The following PJA2 variants were observed in gnomAD, a reference collection of about 807,000 sequenced individuals.
The protein encoded by PJA2 is E3 ubiquitin-protein ligase Praja-2.
PJA2 carries 25 observed loss-of-function variants against 69.3 expected under a neutral mutation model. The observed-to-expected ratio is 0.36, with a 90% CI of 0.26 to 0.50. The LOEUF (loss-of-function observed/expected upper bound fraction) is 0.50, where lower values mean the gene tolerates loss of function less well. Ranked by LOEUF, PJA2 falls within the 20% of genes least tolerant of loss-of-function variation. The pLI is 0.96. For synonymous variants in PJA2, 308 were observed against 277.8 expected (o/e 1.11, Z -1.08); for missense variants, 809 against 830.2 (o/e 0.97, Z 0.31).
rs756780345 is a variant in PJA2, at chr5:109,337,363, A to G, written c.2002-7T>C. The stretch of plus-strand genomic sequence containing the variant: ...ACACAGGGCATGTTCCCGACTGGAG[A>G]AAAAAAAAATGTTAAGAGCCACCAG... On this transcript the variant is annotated splice_polypyrimidine_tract_variant and splice_region_variant and intron_variant, in intron 9 of 9. Coordinates refer to ENST00000361189, the MANE Select transcript of PJA2 (RefSeq NM_014819.5). 6.1e-6 allele frequency: 9 copies of G among 1,475,216 alleles called. No individual in the cohort carries two copies. The highest frequency in any genetic ancestry group is 2.6e-5 in the South Asian group (2 of 76,960). 91.4% of individuals were successfully genotyped at this position (1,475,216 alleles called of 1,614,324 possible). A position where few individuals can be genotyped will look rare whatever the true frequency, so the allele number is the denominator to read the frequency against.
chr5:109,354,668 C>T (rs1273364957), intron 7 of PJA2, among the ~76,000 whole-genome samples: 1 of 144,158 alleles, frequency 6.9e-6, no homozygotes, highest in Non-Finnish European at 1.5e-5. Flanking sequence ...ATATAATATA[C>T]AATATATTAG....
chr5:109,388,618 T>G (rs1270155325), intron 1 of PJA2, among the ~76,000 whole-genome samples: 1 of 152,154 alleles, frequency 6.6e-6, no homozygotes, highest in East Asian at 1.9e-4. Flanking sequence ...TCTACACCCT[T>G]ATGACTCATC....
intron 1 of PJA2, among the ~76,000 whole-genome samples, chr5:109,387,616 G>A (rs1023146141): frequency 9.2e-5 from 14 of 152,214 alleles, no homozygotes; most frequent in African/African-American, 3.1e-4. Flanking sequence ...ATATATAAAC[G>A]TGTTGCTAAG....
intron 7 of PJA2, among the ~76,000 whole-genome samples, chr5:109,353,864 CTA>C (rs1161845645): frequency 6.8e-5 from 3 of 43,914 alleles, no homozygotes; most frequent in African/African-American, 2.6e-4. Context: ...TCTATGATAT[CTA>C]GAGATATCTA....
chr5:109,339,185 G>A (rs1761997032), intron 9 of PJA2, among the ~76,000 whole-genome samples: 1 of 152,214 alleles, frequency 6.6e-6, no homozygotes, highest in South Asian at 2.1e-4. Flanking sequence ...CAGGTGACTG[G>A]AGGTCCCTCT....
At chr5:109,341,330 A>C (rs1171102686) in intron 9 of PJA2, among the ~76,000 whole-genome samples, 41 of 138,512 alleles carry the variant, frequency 3.0e-4, no homozygotes, top group Admixed American at 2.3e-3. Flanking sequence ...TGCCCGGCCG[A>C]GACCCCGTCT....
intron 7 of PJA2, among the ~76,000 whole-genome samples, chr5:109,351,628 T>C (rs246098): frequency 0.85 from 129,314 of 152,040 alleles, 55,743 homozygotes; most frequent in African/African-American, 0.97. Flanking sequence ...AGGTTAAAGA[T>C]GTTTAAGGTT....
intron 9 of PJA2, among the ~76,000 whole-genome samples, chr5:109,342,430 T>G (rs1442873474): frequency 4.5e-5 from 4 of 89,596 alleles, no homozygotes; most frequent in Admixed American, 1.1e-4. Flanking sequence ...GAGGTGGGGA[T>G]GTCGGCCCCC....
rs369253772 is a variant in PJA2, at chr5:109,379,119, T to C, written c.368A>G (p.His123Arg). The change falls in exon 4 of 10, where the codon CAT becomes CGT. Residue 123 changes from histidine to arginine, a missense_variant. His to Arg is a conservative substitution (Grantham distance 29, BLOSUM62 0). Transcript: ENST00000361189. ...GGTATCCCTGCCTTCCTCACTGTGA[T>C]GTACTGCAACAAAGGATTGACTGCT... ...TESSQSFVAV[H>R]HSEEGRDTLG... The C allele has an allele frequency of 1.2e-6, 2 of 1,614,160 alleles. No individual in the cohort carries two copies. Among genetic ancestry groups the C allele is most frequent in the East Asian group, 2.2e-5 (1 of 44,866 alleles).
Position 109,378,469 on chromosome 5 carries a change from G to T in PJA2, c.1018C>A (p.Gln340Lys). ...ETGFNRHEAK[Q>K]RSVQRWREAL... ...TCTCTCCATCTTTGAACACTTCTTT[G>T]TTTCGCCTCATGCCTATTAAAACCT... Residue 340 changes from glutamine to lysine, a missense_variant, in exon 4 of 10, where the codon CAA becomes AAA. This residue lies in a region of PJA2 where 700 missense variants were observed against 639.5 expected (regional missense o/e 1.09). Coordinates refer to ENST00000361189, the MANE Select transcript of PJA2 (RefSeq NM_014819.5). 6.2e-7 allele frequency: 1 copy of T among 1,614,110 alleles called. No individual in the cohort carries two copies. The highest frequency in any genetic ancestry group is 8.5e-7 in the Non-Finnish European group (1 of 1,180,000).
At chr5:109,402,917 C>CA (rs1747584889) in intron 1 of PJA2, among the ~76,000 whole-genome samples, 1 of 151,958 alleles carries the variant, frequency 6.6e-6, no homozygotes, top group Non-Finnish European at 1.5e-5. Context: ...GTAAGCACCT[C>CA]AGGCAGTGCT....
rs1438019098 is a variant in PJA2 at position 109,378,282 on chromosome 5, G to A, written c.1205C>T (p.Ala402Val). The change falls in exon 4 of 10, where the codon GCA becomes GTA. Residue 402 changes from alanine (A) to valine (V), a missense_variant. Ala to Val is a moderately conservative substitution (Grantham distance 64, BLOSUM62 0). Transcript: ENST00000361189. ...NQMTSESGAT[A>V]GRQEVDNTFW... ...GGTGTTATCCACCTCTTGCCTTCCT[G>A]CTGTGGCTCCACTTTCTGATGTCAT... The A allele has an allele frequency of 9.9e-6, 16 of 1,613,904 alleles. No homozygotes were observed. Among genetic ancestry groups the A allele is most frequent in the Non-Finnish European group, 1.4e-5 (16 of 1,179,878 alleles).
At chr5:109,353,501 T>TTTATA (rs1762316275) in intron 7 of PJA2, among the ~76,000 whole-genome samples, 1 of 94,916 alleles carries the variant, frequency 1.1e-5, no homozygotes, top group East Asian at 2.2e-4. Context: ...ATATCTATAA[T>TTTATA]ATCTATAGAT....
intron 6 of PJA2, among the ~76,000 whole-genome samples, chr5:109,360,562 C>A (rs774253953): frequency 4.6e-5 from 7 of 152,122 alleles, no homozygotes; most frequent in South Asian, 2.1e-4. Context: ...AATGAAACCA[C>A]ATTTTCACCT....
chr5:109,349,383 T>G (rs954072338), intron 7 of PJA2, among the ~76,000 whole-genome samples: 27 of 152,294 alleles, frequency 1.8e-4, no homozygotes, highest in South Asian at 2.1e-4. Context: ...TCTGTCCCAG[T>G]GTGCTTGCTT....
intron 9 of PJA2, among the ~76,000 whole-genome samples, chr5:109,343,300 AGAAAG>A (rs1762113708): frequency 8.3e-5 from 10 of 119,952 alleles, no homozygotes; most frequent in Non-Finnish European, 1.4e-4. Flanking sequence ...AAAGAAAGAA[AGAAAG>A]AAAGAAAAAA....
At chr5:109,338,921 G>A (rs772042753) in intron 9 of PJA2, among the ~76,000 whole-genome samples, 13 of 152,136 alleles carry the variant, frequency 8.5e-5, no homozygotes, top group Admixed American at 3.3e-4. Flanking sequence ...ACAAAACACT[G>A]CTTCTTAAGT....
chr5:109,409,706 C>T (rs1218393070), intron 1 of PJA2, 136 bp downstream of exon 1: 1 of 153,578 alleles, frequency 6.5e-6, no homozygotes, highest in Non-Finnish European at 1.5e-5. Flanking sequence ...CGCAGCAGGC[C>T]AGGGACAAGC....
At chr5:109,354,494 A>AATATAG (rs1762370258) in intron 7 of PJA2, among the ~76,000 whole-genome samples, 1 of 64,848 alleles carries the variant, frequency 1.5e-5, no homozygotes, top group African/African-American at 6.0e-5. Context: ...AGATATCTAT[A>AATATAG]ATATCATAGA....
Sources: allele counts gnomAD v4.1 joint callset (sites outside exome capture counted in the v4.1 genomes callset), GRCh38; gene constraint gnomAD v4.1.1; regional missense constraint gnomAD v4.1.1; transcripts MANE v1.5; gene names NCBI Gene and HGNC (gene_info 2026-07-23, HGNC 2026-07-21).